The following CPEB1 variants were observed in gnomAD, a reference collection of about 807,000 sequenced individuals.
The protein encoded by CPEB1 is cytoplasmic polyadenylation element binding protein 1.
In CPEB1, 7 loss-of-function variants were observed where a neutral mutation model predicts 65.8. The observed-to-expected ratio is 0.11, with a 90% confidence interval of 0.06 to 0.20. CPEB1 has a LOEUF of 0.20. Ranked by LOEUF, CPEB1 falls within the 10% of genes least tolerant of loss-of-function variation. The pLI, the probability that CPEB1 is intolerant of heterozygous loss-of-function variation, is 1.00. For missense variants in CPEB1, 551 were observed against 712.2 expected, an observed-to-expected ratio of 0.77 and a Z score of 2.58; for synonymous variants, 262 against 260.0, an observed-to-expected ratio of 1.01 and a Z score of -0.08.
At chr15:82,638,462 G>A (rs1397034942) in intron 1 of CPEB1, 1 of 152,234 alleles carries the variant, frequency 6.6e-6, no homozygotes, top group Non-Finnish European at 1.5e-5. Flanking sequence ...TCATGTGGTG[G>A]CAGATAAAGG....
chr15:82,604,120 C>A (rs1469483265), intron 3 of CPEB1, among the ~76,000 whole-genome samples: 1 of 151,994 alleles, frequency 6.6e-6, no homozygotes, highest in Admixed American at 6.6e-5. Flanking sequence ...AGGCCCAGAA[C>A]GAAGGATCAC....
rs574288810 is a variant in CPEB1, at chr15:82,591,787, A to T, written c.272-20255T>A. 2.1e-3 allele frequency among the ~76,000 whole-genome samples: 320 copies of T among 149,414 alleles called. 1 individual carries two copies. Among genetic ancestry groups the T allele is most frequent in the African/African-American group, 7.7e-3 (312 of 40,576 alleles). On this transcript the variant is annotated intron_variant, in intron 3 of 12. Coordinates refer to ENST00000684509, the MANE Select transcript of CPEB1 (RefSeq NM_001365242.1). The stretch of plus-strand genomic sequence containing the variant: ...AAATTAGATCATACAATATTTAAAA[A>T]TTTTTTCACTTAGCATGTTTTTAAG...
chr15:82,586,592 G>C (rs943256851), intron 3 of CPEB1, among the ~76,000 whole-genome samples: 4 of 152,186 alleles, frequency 2.6e-5, no homozygotes, highest in Non-Finnish European at 5.9e-5. Flanking sequence ...AGGTCAGCCA[G>C]ATTGCTGGTA....
chr15:82,556,316 T>C (rs2037191223), intron 5 of CPEB1, 194 bp from the exon 6 acceptor site: 2 of 587,192 alleles, frequency 3.4e-6, no homozygotes, highest in African/African-American at 3.9e-5. Flanking sequence ...TCTCTCCTCA[T>C]TCAACTTTTC....
Position 82,627,266 on chromosome 15 carries a change from T to C in CPEB1, c.198A>G (p.Ile66Met). ...TACTGAAATCCAGAGAATTATCCAA[T>C]ATGGCATTTATCCTTCGAAAGATAT... ...NANIFRRINA[I>M]LDNSLDFSRV... The change falls in exon 3 of 13, where the codon ATA (isoleucine) becomes ATG (methionine). Residue 66 changes from isoleucine to methionine, a missense_variant. By Grantham distance (10) the Ile-to-Met change is conservative (BLOSUM62 1). This residue lies in a region of CPEB1 where 223 missense variants were observed against 228.6 expected (regional missense o/e 0.98). Transcript: ENST00000684509. 1.2e-6 allele frequency: 2 copies of C among 1,613,778 alleles called. No individual in the cohort carries two copies. The highest frequency in any genetic ancestry group is 1.7e-6 in the Non-Finnish European group (2 of 1,179,734).
intron 4 of CPEB1, among the ~76,000 whole-genome samples, chr15:82,560,075 C>A (rs1161093126): frequency 6.6e-6 from 1 of 151,858 alleles, no homozygotes; most frequent in East Asian, 1.9e-4. Context: ...TAGAGCAAGA[C>A]TCTGAAAAAA....
At chr15:82,646,602 G>A (rs1780510087) in intron 1 of CPEB1, among the ~76,000 whole-genome samples, 1 of 152,174 alleles carries the variant, frequency 6.6e-6, no homozygotes, top group African/African-American at 2.4e-5. Flanking sequence ...AAGTGCCCCC[G>A]AAAAATAAGC....
chr15:82,577,033 G>A (rs1190464328), intron 3 of CPEB1, among the ~76,000 whole-genome samples: 1 of 152,014 alleles, frequency 6.6e-6, no homozygotes, highest in Admixed American at 6.6e-5. Context: ...TCCAAAAACA[G>A]GACTCCATTA....
At chr15:82,546,940 C>T (rs143704907) in intron 11 of CPEB1, among the ~76,000 whole-genome samples, 176 of 152,322 alleles carry the variant, frequency 1.2e-3, no homozygotes, top group African/African-American at 4.2e-3. Context: ...AGAGGCTCAA[C>T]AGTCCCAGTT....
chr15:82,629,895 C>G (rs927811716), intron 1 of CPEB1: 16 of 985,294 alleles, frequency 1.6e-5, no homozygotes, highest in Admixed American at 6.2e-5. Flanking sequence ...AGCCTCACGT[C>G]AGCCTCAAGT....
chr15:82,558,472 A>G (rs1288798247), intron 4 of CPEB1, among the ~76,000 whole-genome samples: 2 of 151,076 alleles, frequency 1.3e-5, no homozygotes, highest in Non-Finnish European at 2.9e-5. Context: ...TAAGCATACC[A>G]CCTCATGTGA....
chr15:82,617,656 C>T (rs1460979828), intron 3 of CPEB1, among the ~76,000 whole-genome samples: 1 of 148,676 alleles, frequency 6.7e-6, no homozygotes, highest in African/African-American at 2.5e-5. Context: ...AAATTAGGTA[C>T]AGGATATACA....
chr15:82,595,476 G>C (rs1260164415), intron 3 of CPEB1, among the ~76,000 whole-genome samples: 3 of 152,020 alleles, frequency 2.0e-5, no homozygotes, highest in Non-Finnish European at 4.4e-5. Flanking sequence ...TTTGCTACAG[G>C]CATCCTACCA....
chr15:82,551,962 T>A (rs2036337490), intron 9 of CPEB1, among the ~76,000 whole-genome samples: 1 of 152,040 alleles, frequency 6.6e-6, no homozygotes, highest in Non-Finnish European at 1.5e-5. Flanking sequence ...GAAGAGAGAA[T>A]CTTATGGGGA....
intron 3 of CPEB1, among the ~76,000 whole-genome samples, chr15:82,613,732 A>G (rs1276268225): frequency 6.6e-6 from 1 of 152,116 alleles, no homozygotes; most frequent in African/African-American, 2.4e-5. Context: ...AACATTCACA[A>G]CTTCAGCATA....
At chr15:82,648,056 C>CCCCGCCCGGGCCCTCGCCTCCG (rs1471282149), upstream of CPEB1, 1 of 409,732 alleles carries the variant, frequency 2.4e-6, no homozygotes, top group African/African-American at 2.1e-5. Flanking sequence ...CCTGTGTCGG[C>CCCCGCCCGGGCCCTCGCCTCCG]CCCGCCCGGG....
intron 3 of CPEB1, among the ~76,000 whole-genome samples, chr15:82,624,277 A>G (rs17158390): frequency 0.43 from 65,130 of 151,912 alleles, 14,071 homozygotes; most frequent in African/African-American, 0.5. Context: ...TATACGTGAA[A>G]GGCTCAAGAA....
intron 8 of CPEB1, among the ~76,000 whole-genome samples, chr15:82,553,133 G>A (rs1357699637): frequency 6.6e-6 from 1 of 152,200 alleles, no homozygotes; most frequent in Non-Finnish European, 1.5e-5. Flanking sequence ...AACTGGGCAG[G>A]ACAGGCAGGC....
rs760799333 is a variant in CPEB1 at position 82,554,019 on chromosome 15, G to C, written c.941-28C>G. ...TTGGTAGATGGCAAAGAGATAAACA[G>C]GGGAGGTTAGAGAATCAACAAAGCC... On this transcript the variant is annotated intron_variant, in intron 6 of 12. Transcript: ENST00000684509. The C allele has an allele frequency of 7.1e-6, 10 of 1,409,786 alleles. No homozygotes were observed. The Admixed American group carries it at 2.0e-4, about 28-fold the overall frequency. 87.3% of individuals were successfully genotyped at this position (1,409,786 alleles called of 1,614,324 possible).
Sources: allele counts gnomAD v4.1 joint callset (sites outside exome capture counted in the v4.1 genomes callset), GRCh38; gene constraint gnomAD v4.1.1; regional missense constraint gnomAD v4.1.1; transcripts MANE v1.5; gene names NCBI Gene and HGNC (gene_info 2026-07-23, HGNC 2026-07-21).